Variants in GTF2A1 observed in about 807,000 individuals in gnomAD.
GTF2A1 encodes general transcription factor IIA subunit 1.
In GTF2A1, 12 loss-of-function variants were observed where a neutral mutation model predicts 54.1. The ratio of observed to expected loss-of-function variants is 0.22; its 90% CI spans 0.14 to 0.36. GTF2A1 has a LOEUF of 0.36. GTF2A1 is among the 10% of genes least tolerant of loss of function. The probability of loss-of-function intolerance (pLI) is 1.00; values close to 1 mark genes in which losing one functional copy is unlikely to be tolerated. For synonymous variants in GTF2A1, 145 were observed against 152.0 expected, an observed-to-expected ratio of 0.95 and a Z score of 0.34; for missense variants, 335 against 442.2, an observed-to-expected ratio of 0.76 and a Z score of 2.17.
chr14:81,191,416 T>G (rs8014406), intron 7 of GTF2A1, among the ~76,000 whole-genome samples: 117,602 of 152,064 alleles, frequency 0.77, 46,311 homozygotes, highest in African/African-American at 0.89. Context: ...AAACAATCCT[T>G]ATGTCCACTG....
At chr14:81,211,699 T>C (rs1042460461) in intron 2 of GTF2A1, among the ~76,000 whole-genome samples, 1 of 151,966 alleles carries the variant, frequency 6.6e-6, no homozygotes, top group Non-Finnish European at 1.5e-5. Context: ...TTCTGAAGGA[T>C]TCTCCTACTT....
At chr14:81,195,503 G>A (rs990710244) in intron 6 of GTF2A1, among the ~76,000 whole-genome samples, 3 of 151,348 alleles carry the variant, frequency 2.0e-5, no homozygotes, top group African/African-American at 4.9e-5. Flanking sequence ...GTGGTGGTGG[G>A]CGCCTGTAGT....
chr14:81,182,311 G>C (rs1399970477), intron 8 of GTF2A1, among the ~76,000 whole-genome samples: 4 of 152,204 alleles, frequency 2.6e-5, no homozygotes, highest in African/African-American at 9.7e-5. Context: ...AGCATCTTAA[G>C]ATTGATGACT....
At chr14:81,191,504 A>G (rs1892875981) in intron 7 of GTF2A1, among the ~76,000 whole-genome samples, 3 of 152,220 alleles carry the variant, frequency 2.0e-5, no homozygotes, top group African/African-American at 7.2e-5. Context: ...CAACTTGGAT[A>G]AACCTCAGGA....
At chr14:81,212,772 G>A (rs1893401205) in intron 2 of GTF2A1, among the ~76,000 whole-genome samples, 1 of 152,234 alleles carries the variant, frequency 6.6e-6, no homozygotes, top group Non-Finnish European at 1.5e-5. Flanking sequence ...AGTGATTTAA[G>A]TTTAGATTAA....
At chr14:81,189,497 C>A (rs957163143) in intron 7 of GTF2A1, among the ~76,000 whole-genome samples, 1 of 152,034 alleles carries the variant, frequency 6.6e-6, no homozygotes, top group Non-Finnish European at 1.5e-5. Context: ...CAGCGAAACC[C>A]CATCTCTACT....
At chr14:81,197,984 A>C (rs1893026224) in intron 4 of GTF2A1, among the ~76,000 whole-genome samples, 1 of 152,200 alleles carries the variant, frequency 6.6e-6, no homozygotes, top group South Asian at 2.1e-4. Context: ...TTTCTACTAA[A>C]ATCAACAGAT....
chr14:81,192,585 T>G lies in GTF2A1; in HGVS notation c.867A>C (p.Glu289Asp), dbSNP rs747425299. ...CTTCCTCCTCATCATCATCATAGTC[T>G]TCTTCTTCATCTTCATCTTCTTCAG... ...TSSEEDEDEE[E>D]DYDDDEEEDK... is the part of the protein sequence containing the mutation. Residue 289 changes from glutamate to aspartate, a missense_variant, in exon 7 of 9, where the codon GAA becomes GAC. Glu to Asp is a conservative substitution (Grantham distance 45). Transcript: ENST00000553612. 50 of 1,613,092 alleles carry G rather than the reference T, an allele frequency of 3.1e-5. No homozygotes were observed. The highest frequency in any genetic ancestry group is 9.9e-5 in the South Asian group (9 of 91,078).
intron 7 of GTF2A1, among the ~76,000 whole-genome samples, chr14:81,187,903 C>T (rs1483783035): frequency 6.6e-6 from 1 of 152,070 alleles, no homozygotes; most frequent in African/African-American, 2.4e-5. Flanking sequence ...GACTATCAAA[C>T]TGTTTCCCAC....
At chr14:81,197,293 C>T in intron 5 of GTF2A1, 116 bp downstream of exon 5, 1 of 619,864 alleles carries the variant, frequency 1.6e-6, no homozygotes, top group Non-Finnish European at 2.9e-6. Flanking sequence ...ATAACCTAAA[C>T]CAAATGGTAA....
At chr14:81,212,393 G>A (rs1893391323) in intron 2 of GTF2A1, among the ~76,000 whole-genome samples, 4 of 152,212 alleles carry the variant, frequency 2.6e-5, no homozygotes, top group African/African-American at 9.6e-5. Flanking sequence ...GAAAACCAGG[G>A]CTGTATTTTA....
intron 5 of GTF2A1, 174 bp downstream of exon 5, chr14:81,197,235 C>A (rs575683042): frequency 7.7e-6 from 4 of 521,638 alleles, no homozygotes; most frequent in Non-Finnish European, 1.4e-5. Flanking sequence ...GTATCCTCAA[C>A]AACGATTACA....
chr14:81,181,342 T>TA (rs545488574), intron 8 of GTF2A1, among the ~76,000 whole-genome samples: 7,802 of 138,332 alleles, frequency 0.056, 234 homozygotes, highest in Non-Finnish European at 0.07. Context: ...TAAAGGTACC[T>TA]AAAAAAAAAA....
intron 4 of GTF2A1, among the ~76,000 whole-genome samples, chr14:81,200,004 T>A (rs1893068884): frequency 6.6e-6 from 1 of 151,788 alleles, no homozygotes; most frequent in Admixed American, 6.6e-5. Flanking sequence ...TAAAATGGAG[T>A]TTTTTCCAAT....
intron 3 of GTF2A1, 119 bp downstream of exon 3, chr14:81,203,781 T>C: frequency 3.8e-6 from 3 of 799,294 alleles, no homozygotes; most frequent in Non-Finnish European, 6.2e-6. Flanking sequence ...TTTGTTTATT[T>C]TTAGGTTCTC....
intron 6 of GTF2A1, among the ~76,000 whole-genome samples, chr14:81,195,800 G>A (rs1417588997): frequency 1.3e-5 from 2 of 152,078 alleles, no homozygotes; most frequent in African/African-American, 2.4e-5. Context: ...CCTGACCCTT[G>A]TGAATACCCC....
intron 4 of GTF2A1, among the ~76,000 whole-genome samples, chr14:81,199,969 T>A (rs1388506607): frequency 6.6e-6 from 1 of 151,750 alleles, no homozygotes; most frequent in Non-Finnish European, 1.5e-5. Flanking sequence ...AGGGTGGAGG[T>A]TAAAAAAAAT....
intron 6 of GTF2A1, among the ~76,000 whole-genome samples, chr14:81,193,300 G>A (rs1358905181): frequency 6.6e-6 from 1 of 151,896 alleles, no homozygotes; most frequent in Non-Finnish European, 1.5e-5. Flanking sequence ...CTGAGTAGCT[G>A]GGACTACAGG....
At chr14:81,213,508 T>C (rs1272065702) in intron 2 of GTF2A1, among the ~76,000 whole-genome samples, 1 of 152,292 alleles carries the variant, frequency 6.6e-6, no homozygotes, top group Non-Finnish European at 1.5e-5. Flanking sequence ...CTAAAAATGC[T>C]GCATCTTCTA....
Sources: allele counts gnomAD v4.1 joint callset (sites outside exome capture counted in the v4.1 genomes callset), GRCh38; gene constraint gnomAD v4.1.1; transcripts MANE v1.5; gene names NCBI Gene and HGNC (gene_info 2026-07-23, HGNC 2026-07-21).